RPH3A: variants seen among roughly 807,000 people sequenced by gnomAD.
The protein encoded by RPH3A is rabphilin-3A.
RPH3A carries 48 observed loss-of-function variants against 102.2 expected under a neutral mutation model. The ratio of observed to expected loss-of-function variants is 0.47; its 90% CI spans 0.37 to 0.60. The LOEUF (loss-of-function observed/expected upper bound fraction) is 0.60, where lower values mean the gene tolerates loss of function less well. RPH3A is among the 20% of genes least tolerant of loss of function. The pLI is 0.00. For synonymous variants in RPH3A, 310 were observed against 324.3 expected (o/e 0.96, Z 0.47); for missense variants, 781 against 910.1 (o/e 0.86, Z 1.83).
In RPH3A at chr12:112,638,783, A is replaced by G. The variant is rs868488861; in HGVS notation, c.-140+63464A>G. Among the ~76,000 whole-genome samples, 9 of 152,200 alleles carry G rather than the reference A, an allele frequency of 5.9e-5. No individual in the cohort carries two copies. In the South Asian group the frequency reaches 6.2e-4, roughly 11 times the overall value. On this transcript the variant is annotated intron_variant, in intron 1 of 21. Transcript: ENST00000543106. ...TGCTCCCTCAATCATCTCTTCAAGTATCCTGAGATAGAGAAGGCAGAATGC... is the reference window on the plus strand; with the variant it reads ...TGCTCCCTCAATCATCTCTTCAAGTGTCCTGAGATAGAGAAGGCAGAATGC...
At chr12:112,778,742 T>A (rs1373465994) in intron 1 of RPH3A, among the ~76,000 whole-genome samples, 1 of 152,192 alleles carries the variant, frequency 6.6e-6, no homozygotes, top group Non-Finnish European at 1.5e-5. Context: ...CAGGCTTACA[T>A]TGTAGCAACT....
chr12:112,661,282 A>C (rs192899103), intron 1 of RPH3A, among the ~76,000 whole-genome samples: 153 of 152,232 alleles, frequency 1.0e-3, no homozygotes, highest in Middle Eastern at 3.4e-3. Flanking sequence ...GAAGTGTGGG[A>C]TTTAAAGTCA....
intron 1 of RPH3A, among the ~76,000 whole-genome samples, chr12:112,660,206 T>C (rs1337991293): frequency 6.6e-6 from 1 of 152,212 alleles, no homozygotes; most frequent in Non-Finnish European, 1.5e-5. Context: ...AATCAATCTA[T>C]ATATATCAAT....
chr12:112,728,443 C>T (rs2040611245), intron 1 of RPH3A, among the ~76,000 whole-genome samples: 1 of 152,102 alleles, frequency 6.6e-6, no homozygotes, highest in Admixed American at 6.5e-5. Context: ...TGAACGCCCT[C>T]AACTTGCATG....
At chr12:112,744,573 T>A (rs530835858) in intron 1 of RPH3A, among the ~76,000 whole-genome samples, 43 of 152,298 alleles carry the variant, frequency 2.8e-4, no homozygotes, top group South Asian at 2.1e-4. Flanking sequence ...GCTTGTAACA[T>A]TTATCAAGAA....
chr12:112,788,647 C>A (rs1445233989), upstream of RPH3A, among the ~76,000 whole-genome samples: 1 of 152,212 alleles, frequency 6.6e-6, no homozygotes, highest in Admixed American at 6.5e-5. Flanking sequence ...TGGCAAGTGT[C>A]TAGGTATGCA....
chr12:112,881,043 C>G (rs1366381260), intron 14 of RPH3A, among the ~76,000 whole-genome samples: 5 of 152,098 alleles, frequency 3.3e-5, no homozygotes, highest in Non-Finnish European at 5.9e-5. Context: ...AGTGGACCCA[C>G]ACAGTTCACA....
intron 4 of RPH3A, among the ~76,000 whole-genome samples, chr12:112,838,164 G>C (rs993427358): frequency 2.6e-5 from 4 of 152,240 alleles, no homozygotes; most frequent in African/African-American, 9.6e-5. Flanking sequence ...GAGCTTCCTG[G>C]AAGAAGTGAT....
At chr12:112,811,188 A>G (rs2041568787) in intron 2 of RPH3A, among the ~76,000 whole-genome samples, 1 of 152,186 alleles carries the variant, frequency 6.6e-6, no homozygotes, top group Non-Finnish European at 1.5e-5. Context: ...CTGTTTAAAG[A>G]TACCTCATTT....
At chr12:112,745,015 C>A (rs1300734422) in intron 1 of RPH3A, among the ~76,000 whole-genome samples, 1 of 152,206 alleles carries the variant, frequency 6.6e-6, no homozygotes, top group East Asian at 1.9e-4. Flanking sequence ...TCTCTTTATT[C>A]TCTGTCCAAG....
At chr12:112,811,425 C>A (rs1434487381) in intron 2 of RPH3A, among the ~76,000 whole-genome samples, 1 of 152,106 alleles carries the variant, frequency 6.6e-6, no homozygotes, top group East Asian at 1.9e-4. Flanking sequence ...AGCCTTCCTG[C>A]TCCTAGGAAC....
intron 1 of RPH3A, among the ~76,000 whole-genome samples, chr12:112,672,937 C>A (rs765167124): frequency 4.6e-5 from 7 of 152,112 alleles, no homozygotes; most frequent in Non-Finnish European, 8.8e-5. Flanking sequence ...CCCAAGTCAG[C>A]CCTCAATACT....
intron 1 of RPH3A, among the ~76,000 whole-genome samples, chr12:112,639,994 C>G (rs558900158): frequency 6.6e-6 from 1 of 151,990 alleles, no homozygotes; most frequent in African/African-American, 2.4e-5. Flanking sequence ...AAGGGTCATA[C>G]AGCTGGGAAA....
chr12:112,606,018 C>T (rs1313521540), intron 1 of RPH3A, among the ~76,000 whole-genome samples: 1 of 152,108 alleles, frequency 6.6e-6, no homozygotes, highest in Non-Finnish European at 1.5e-5. Context: ...AAAGTGGGGG[C>T]GAGTGATATA....
At position 112,869,778 on chromosome 12, in the gene RPH3A, G is replaced by A. The variant is rs1446286056; in HGVS notation, c.630G>A (p.Arg210=). The A allele has an allele frequency of 1.2e-5, 19 of 1,614,102 alleles. No individual in the cohort carries two copies. The East Asian group carries it at 4.0e-4, about 34-fold the overall frequency. ...APARGDSEDR[R]GPGQKTGPDP... ...CTCCAGGTGACAGTGAAGATAGGAG[G>A]GGCCCGGGTCAGAAGACAGGTGGGT... is the stretch of plus-strand genomic sequence containing the variant. The change falls in exon 9 of 22, where the codon AGG becomes AGA. Residue 210 remains arginine, a synonymous_variant. Transcript: ENST00000389385.
intron 10 of RPH3A, chr12:112,873,830 C>T (rs75381324): frequency 6.6e-6 from 1 of 152,372 alleles, no homozygotes; most frequent in Non-Finnish European, 1.5e-5. Flanking sequence ...GCATCATAAA[C>T]TCATCATTTC....
intron 1 of RPH3A, among the ~76,000 whole-genome samples, chr12:112,618,022 T>TA: frequency 6.6e-6 from 1 of 152,354 alleles, no homozygotes; most frequent in African/African-American, 2.4e-5. Context: ...TTTCTACATT[T>TA]ATGTATACAC....
At chr12:112,895,523 C>T (rs1716117360) in intron 20 of RPH3A, 1 of 416,700 alleles carries the variant, frequency 2.4e-6, no homozygotes, top group Non-Finnish European at 4.4e-6. Flanking sequence ...ATTAGAAAAA[C>T]CTCACCAGCC....
intron 3 of RPH3A, among the ~76,000 whole-genome samples, chr12:112,831,567 T>C (rs897508285): frequency 6.6e-6 from 1 of 152,120 alleles, no homozygotes; most frequent in African/African-American, 2.4e-5. Context: ...CTTTTTTTTT[T>C]TAATTTGCCT....
Sources: gnomAD v4.1 joint callset for allele counts (sites outside exome capture counted in the v4.1 genomes callset) on GRCh38, gnomAD v4.1.1 for gene constraint, MANE v1.5 for transcripts, NCBI Gene and HGNC (gene_info 2026-07-23, HGNC 2026-07-21) for gene names.